Variants in SEL1L2 observed in about 807,000 individuals in gnomAD.
The protein encoded by SEL1L2 is SEL1L2 adaptor subunit of SYVN1 ubiquitin ligase, also known as protein sel-1 homolog 2.
In SEL1L2, 89 loss-of-function variants were observed where a neutral mutation model predicts 98.8. The ratio of observed to expected loss-of-function variants is 0.90; its 90% CI spans 0.76 to 1.07. SEL1L2 has a LOEUF of 1.07. Ranked by LOEUF, SEL1L2 falls within the 50% of genes least tolerant of loss-of-function variation. SEL1L2 has a pLI of 0.00. For missense variants in SEL1L2, 788 were observed against 812.0 expected, an observed-to-expected ratio of 0.97 and a Z score of 0.36; for synonymous variants, 262 against 278.5, an observed-to-expected ratio of 0.94 and a Z score of 0.59.
upstream of SEL1L2, among the ~76,000 whole-genome samples, chr20:13,993,443 T>G (rs1387782133): frequency 6.6e-6 from 1 of 152,172 alleles, no homozygotes; most frequent in African/African-American, 2.4e-5. Context: ...TGTTAAATAT[T>G]TAACAGTTTT....
intron 1 of SEL1L2, among the ~76,000 whole-genome samples, chr20:13,981,864 T>C (rs2051846824): frequency 6.6e-6 from 1 of 152,230 alleles, no homozygotes; most frequent in African/African-American, 2.4e-5. Flanking sequence ...AAAGGTAATT[T>C]AGAAATTCTC....
At position 13,915,143 on chromosome 20, in the gene SEL1L2, C is replaced by A. The variant is rs1021071336; in HGVS notation, c.387-1199G>T. ...CACCTTTATGTACAGCCCATCCATG[C>A]TGAGGCTAAAATAAGCTGCTCTTGG... On this transcript the variant is annotated intron_variant, in intron 4 of 19. Coordinates refer to ENST00000284951, the MANE Select transcript of SEL1L2 (RefSeq NM_025229.2). The A allele has an allele frequency of 1.6e-6, 2 of 1,289,684 alleles. 1 individual carries two copies. The highest frequency in any genetic ancestry group is 2.5e-5 in the South Asian group (2 of 81,020). 79.9% of individuals were successfully genotyped at this position (1,289,684 alleles called of 1,614,324 possible).
chr20:13,896,193 C>A (rs185227949), intron 5 of SEL1L2, among the ~76,000 whole-genome samples: 3 of 151,710 alleles, frequency 2.0e-5, no homozygotes, highest in Admixed American at 6.6e-5. Flanking sequence ...ACAAACAGGC[C>A]GAGCACGGTG....
chr20:13,915,279 C>T, intron 4 of SEL1L2: 1 of 1,264,312 alleles, frequency 7.9e-7, no homozygotes, highest in Non-Finnish European at 1.0e-6. Flanking sequence ...TCCAGTGGAA[C>T]AAAAAGAGAT....
chr20:13,871,475 T>C (rs1343689622), intron 12 of SEL1L2, among the ~76,000 whole-genome samples: 2 of 152,104 alleles, frequency 1.3e-5, no homozygotes, highest in African/African-American at 2.4e-5. Context: ...TTTCACCCTC[T>C]AGTGACTACA....
intron 2 of SEL1L2, among the ~76,000 whole-genome samples, chr20:13,954,945 G>A (rs1444036463): frequency 6.6e-6 from 1 of 152,204 alleles, no homozygotes; most frequent in Non-Finnish European, 1.5e-5. Context: ...TAGTTATAGT[G>A]ATAAGAGAGG....
rs1053672696 is a variant in SEL1L2, at chr20:13,916,796, ACT to A, written c.386+2223_386+2224del. ...ATTCCAGCCTGGGCAACAGAGTGAG[ACT>A]CTGTCTCAAAAAAAGGTGGCGGGGG... On this transcript the variant is annotated intron_variant, in intron 4 of 19. Coordinates refer to ENST00000284951, the MANE Select transcript of SEL1L2 (RefSeq NM_025229.2). Among the ~76,000 whole-genome samples the A allele has an allele frequency of 4.6e-5, 7 of 151,904 alleles. No homozygotes were observed. In the East Asian group the frequency reaches 5.8e-4, roughly 13 times the overall value.
chr20:13,976,414 G>A (rs567064491), intron 1 of SEL1L2, among the ~76,000 whole-genome samples: 1 of 152,244 alleles, frequency 6.6e-6, no homozygotes, highest in Non-Finnish European at 1.5e-5. Flanking sequence ...GCGGTGATGG[G>A]GAAGAAGATC....
intron 11 of SEL1L2, among the ~76,000 whole-genome samples, chr20:13,876,985 A>T (rs1045872326): frequency 6.6e-6 from 1 of 151,928 alleles, no homozygotes; most frequent in Non-Finnish European, 1.5e-5. Flanking sequence ...CACCACACCT[A>T]GCTAATTTTT....
chr20:13,864,472 T>C (rs892702548), intron 17 of SEL1L2, among the ~76,000 whole-genome samples: 10 of 152,218 alleles, frequency 6.6e-5, no homozygotes, highest in African/African-American at 2.4e-4. Context: ...GCAGTATTTC[T>C]CTGCTTTTAA....
At chr20:13,901,346 A>G (rs2148092543) in intron 5 of SEL1L2, among the ~76,000 whole-genome samples, 1 of 152,248 alleles carries the variant, frequency 6.6e-6, no homozygotes, top group Non-Finnish European at 1.5e-5. Flanking sequence ...CTGGGATTAC[A>G]GGCGTGAGCC....
intron 5 of SEL1L2, among the ~76,000 whole-genome samples, chr20:13,908,375 C>T (rs35989947): frequency 0.2 from 30,491 of 152,062 alleles, 3,657 homozygotes; most frequent in Non-Finnish European, 0.26. Context: ...CCTCCTGCTT[C>T]AGCCTCCCAA....
At chr20:13,986,725 A>G (rs903769668) in intron 1 of SEL1L2, among the ~76,000 whole-genome samples, 39 of 152,174 alleles carry the variant, frequency 2.6e-4, no homozygotes, top group Admixed American at 2.5e-3. Context: ...TTTGTGTACA[A>G]ATTTCTGTGT....
chr20:13,962,086 T>A (rs1270265158), intron 1 of SEL1L2, among the ~76,000 whole-genome samples: 3 of 152,152 alleles, frequency 2.0e-5, no homozygotes, highest in African/African-American at 4.8e-5. Flanking sequence ...TATGATAAAG[T>A]GAGACCTGGG....
At chr20:13,876,736 G>A (rs2046449440) in intron 11 of SEL1L2, among the ~76,000 whole-genome samples, 1 of 152,170 alleles carries the variant, frequency 6.6e-6, no homozygotes. Flanking sequence ...AACCAACCTG[G>A]ATCTCCTCTT....
intron 12 of SEL1L2, among the ~76,000 whole-genome samples, chr20:13,870,509 TGAA>T (rs922011249): frequency 3.1e-4 from 47 of 152,172 alleles, no homozygotes; most frequent in African/African-American, 2.4e-5. Flanking sequence ...AGGTAAAAGA[TGAA>T]GAAGCCATGA....
At chr20:13,861,890 T>C (rs1004075899) in intron 17 of SEL1L2, among the ~76,000 whole-genome samples, 4 of 152,200 alleles carry the variant, frequency 2.6e-5, no homozygotes, top group African/African-American at 9.7e-5. Context: ...GAAGCGCCAA[T>C]GCCACTTCTC....
intron 10 of SEL1L2, among the ~76,000 whole-genome samples, chr20:13,881,756 T>A (rs1222384502): frequency 6.6e-6 from 1 of 152,184 alleles, no homozygotes; most frequent in Non-Finnish European, 1.5e-5. Context: ...AAATTTAATT[T>A]TCTGAGCAGT....
chr20:13,881,032 T>C (rs1472357170), intron 10 of SEL1L2, among the ~76,000 whole-genome samples: 1 of 152,222 alleles, frequency 6.6e-6, no homozygotes, highest in East Asian at 1.9e-4. Context: ...ATTTTCTTTT[T>C]GAGATGGAGT....
Sources: allele counts gnomAD v4.1 joint callset (sites outside exome capture counted in the v4.1 genomes callset), GRCh38; gene constraint gnomAD v4.1.1; transcripts MANE v1.5; gene names NCBI Gene and HGNC (gene_info 2026-07-23, HGNC 2026-07-21).